The following SFTPC variants were observed in gnomAD, a reference collection of about 807,000 sequenced individuals.
SFTPC encodes the protein surfactant protein C.
Under a neutral mutation model 19.9 loss-of-function variants are expected in SFTPC, and 12 were observed. The observed-to-expected ratio is 0.60, with a 90% CI of 0.39 to 0.98. The LOEUF is 0.98. Among genes scored for constraint, SFTPC ranks in the 50% least tolerant of loss-of-function variants. The probability of loss-of-function intolerance (pLI) is 0.00; values close to 1 mark genes in which losing one functional copy is unlikely to be tolerated. For synonymous variants in SFTPC, 123 were observed against 103.3 expected, an observed-to-expected ratio of 1.19 and a Z score of -1.16; for missense variants, 219 against 252.2, an observed-to-expected ratio of 0.87 and a Z score of 0.89.
Position 22,164,360 on chromosome 8 carries a change from G to GAAGCTTCTC in SFTPC, c.*113_*114insAAGCTTCTC, listed in dbSNP as rs1188385488. 94 of 1,535,696 alleles carry GAAGCTTCTC rather than the reference G, an allele frequency of 6.1e-5. 1 individual carries two copies. In the Admixed American group the frequency reaches 1.8e-3, roughly 30 times the overall value. ...GCAAGAAGCTGCTTCTGCCCACACC[G>GAAGCTTCTC]CAGGGACAAGCCCTGGAGAAATGGG... is the stretch of plus-strand genomic sequence containing the variant. On this transcript the variant is annotated 3_prime_UTR_variant, in exon 6 of 6. Coordinates refer to ENST00000679463, the MANE Select transcript of SFTPC (RefSeq NM_001317778.2).
chr8:22,164,097 G>A lies in SFTPC; in HGVS notation c.*18+38G>A, dbSNP rs370783709. On this transcript the variant is annotated intron_variant, in intron 5 of 5. Transcript: ENST00000679463. ...GGCCCCTGATCAGCAGCGGAGGAGC[G>A]CTCGGGCCACCTGCCCGGGCTGTGG... 3.7e-6 allele frequency: 6 copies of A among 1,610,392 alleles called. No homozygotes were observed. The Admixed American group carries it at 5.0e-5, about 13-fold the overall frequency.
chr8:22,161,982 C>T, intron 1 of SFTPC, 112 bp downstream of exon 1: 2 of 1,096,630 alleles, frequency 1.8e-6, no homozygotes, highest in South Asian at 2.6e-5. Flanking sequence ...ATTCACTCAA[C>T]TAACCTAGGA....
In SFTPC at chr8:22,161,875, G is replaced by A. The variant is rs759541738; in HGVS notation, c.42+5G>A. On this transcript the variant is annotated splice_donor_5th_base_variant and intron_variant, in intron 1 of 5. Coordinates refer to ENST00000679463, the MANE Select transcript of SFTPC (RefSeq NM_001317778.2). ...GTCCTGATGGAGAGCCCGCCGGTGA[G>A]TGTGGTTGCGTGTGTGTATGTATGT... 3 of 1,613,852 alleles carry A rather than the reference G, an allele frequency of 1.9e-6. No individual in the cohort carries two copies. Among genetic ancestry groups the A allele is most frequent in the Non-Finnish European group, 2.5e-6 (3 of 1,179,922 alleles).
upstream of SFTPC, chr8:22,159,855 C>G (rs760679225): frequency 7.8e-7 from 1 of 1,288,616 alleles, no homozygotes; most frequent in Admixed American, 2.3e-5. Flanking sequence ...GCCCAGTACT[C>G]GTGAGTCAGC....
intron 5 of SFTPC, 102 bp from the exon 6 acceptor site, chr8:22,164,164 G>T: frequency 6.5e-7 from 1 of 1,547,752 alleles, no homozygotes; most frequent in Non-Finnish European, 8.7e-7. Flanking sequence ...GTCCACTGAA[G>T]CGGGGTCATC....
intron 1 of SFTPC, 60 bp downstream of exon 1, chr8:22,161,930 T>C (rs765668378): frequency 3.7e-6 from 4 of 1,089,556 alleles, no homozygotes; most frequent in Non-Finnish European, 5.7e-6. Flanking sequence ...TGATGGGCCC[T>C]GCCTCCTCTA....
At chr8:22,162,883 C>A (rs938154215) in intron 2 of SFTPC, 151 bp downstream of exon 2, 7 of 1,342,110 alleles carry the variant, frequency 5.2e-6, no homozygotes, top group Admixed American at 5.1e-5. Flanking sequence ...AGGCAGCAAC[C>A]CAGCTCAGGC....
chr8:22,158,412 A>G (rs1413442038), upstream of SFTPC, among the ~76,000 whole-genome samples: 1 of 152,178 alleles, frequency 6.6e-6, no homozygotes, highest in Admixed American at 6.5e-5. Flanking sequence ...CCCAGTACAC[A>G]AAGAGCAAAG....
In SFTPC at chr8:22,164,463, C is replaced by A; in HGVS notation, c.*216C>A. On this transcript the variant is annotated 3_prime_UTR_variant, in exon 6 of 6. Transcript: ENST00000679463. The stretch of plus-strand genomic sequence containing the variant: ...CTCCTGCCACAACAGAATAAAGCAG[C>A]CTGATTGAAAAGCAAAGGGTCTGCT... The A allele has an allele frequency of 6.9e-7, 1 of 1,457,360 alleles. No homozygotes were observed. The highest frequency in any genetic ancestry group is 9.0e-7 in the Non-Finnish European group (1 of 1,111,840). The allele number at this position is 1,457,360 out of a possible 1,614,324, so 90.3% of individuals were successfully genotyped here.
chr8:22,162,508 T>G (rs1340460364), intron 1 of SFTPC, 66 bp from the exon 2 acceptor site: 2 of 1,572,196 alleles, frequency 1.3e-6, no homozygotes, highest in Non-Finnish European at 1.7e-6. Context: ...GTTCAGCTTG[T>G]ATAGGGAGAA....
At chr8:22,160,572 C>T (rs1312366624), upstream of SFTPC, among the ~76,000 whole-genome samples, 1 of 152,166 alleles carries the variant, frequency 6.6e-6, no homozygotes, top group Non-Finnish European at 1.5e-5. Flanking sequence ...GATCTCGCTA[C>T]TGCATGCCAG....
At chr8:22,159,666 C>A, upstream of SFTPC, 3 of 691,736 alleles carry the variant, frequency 4.3e-6, no homozygotes, top group Non-Finnish European at 6.8e-6. Context: ...AGAGCAGAGG[C>A]TTTTTCAAAG....
intron 4 of SFTPC, 22 bp from the exon 5 acceptor site, chr8:22,163,879 C>G (rs1269141738): frequency 6.2e-7 from 1 of 1,603,130 alleles, no homozygotes; most frequent in South Asian, 1.1e-5. Flanking sequence ...TTCCTACATT[C>G]CAGATGGAAT....
chr8:22,158,038 C>T (rs944987780), upstream of SFTPC, among the ~76,000 whole-genome samples: 4 of 152,312 alleles, frequency 2.6e-5, no homozygotes, highest in Non-Finnish European at 2.9e-5. Flanking sequence ...CTCTCTACCA[C>T]GTTAGCTCCC....
upstream of SFTPC, among the ~76,000 whole-genome samples, chr8:22,160,233 G>C (rs1193895097): frequency 6.6e-6 from 1 of 152,186 alleles, no homozygotes; most frequent in African/African-American, 2.4e-5. Flanking sequence ...ATGGAGAGGG[G>C]GACAGGGGAA....
upstream of SFTPC, among the ~76,000 whole-genome samples, chr8:22,160,066 T>A (rs1827654190): frequency 6.6e-6 from 1 of 152,208 alleles, no homozygotes; most frequent in Non-Finnish European, 1.5e-5. Flanking sequence ...ACTCTCTGGC[T>A]GCTGGAGTCT....
upstream of SFTPC, chr8:22,159,662 G>T (rs1348802138): frequency 7.7e-6 from 5 of 648,134 alleles, no homozygotes; most frequent in African/African-American, 1.9e-5. Context: ...AGAAAGAGCA[G>T]AGGCTTTTTC....
upstream of SFTPC, among the ~76,000 whole-genome samples, chr8:22,160,724 C>T (rs978598036): frequency 5.9e-5 from 9 of 152,318 alleles, no homozygotes; most frequent in African/African-American, 1.9e-4. Flanking sequence ...TAGAGACCAC[C>T]TGGCCCAAGG....
chr8:22,159,712 C>T, upstream of SFTPC: 2 of 1,179,000 alleles, frequency 1.7e-6, no homozygotes, highest in Non-Finnish European at 2.3e-6. Context: ...GCGATGGCGG[C>T]AAACCCCACC....
Sources: allele counts gnomAD v4.1 joint callset (sites outside exome capture counted in the v4.1 genomes callset), GRCh38; gene constraint gnomAD v4.1.1; transcripts MANE v1.5; gene names NCBI Gene and HGNC (gene_info 2026-07-23, HGNC 2026-07-21).